PLXNA4: variants seen among roughly 807,000 people sequenced by gnomAD.
PLXNA4 encodes plexin-A4.
Under a neutral mutation model 191.8 loss-of-function variants are expected in PLXNA4, and 44 were observed. That is an observed-to-expected ratio of 0.23 (90% CI 0.18 to 0.29). The LOEUF is 0.29. Among genes scored for constraint, PLXNA4 ranks in the 10% least tolerant of loss-of-function variants. The pLI, the probability that PLXNA4 is intolerant of heterozygous loss-of-function variation, is 1.00. For synonymous variants in PLXNA4, 1,082 were observed against 1,009.5 expected, an observed-to-expected ratio of 1.07 and a Z score of -1.36; for missense variants, 1,800 against 2,488.8, an observed-to-expected ratio of 0.72 and a Z score of 5.89.
At chr7:132,400,662 G>A (rs1046027972) in intron 3 of PLXNA4, among the ~76,000 whole-genome samples, 6 of 152,254 alleles carry the variant, frequency 3.9e-5, no homozygotes, top group East Asian at 1.9e-4. Context: ...GGTACCATCC[G>A]TATGCATACC....
chr7:132,553,876 A>G (rs967459206), intron 1 of PLXNA4, among the ~76,000 whole-genome samples: 7 of 151,952 alleles, frequency 4.6e-5, no homozygotes, highest in African/African-American at 1.7e-4. Flanking sequence ...GAAAAGGGCA[A>G]CTCTTCCTGA....
intron 4 of PLXNA4, among the ~76,000 whole-genome samples, chr7:132,252,287 A>G (rs1799276242): frequency 6.7e-6 from 1 of 149,912 alleles, no homozygotes. Flanking sequence ...TTAAAATGAC[A>G]GCATTCTAAA....
intron 1 of PLXNA4, among the ~76,000 whole-genome samples, chr7:132,542,986 T>C (rs1461372707): frequency 6.6e-6 from 1 of 152,220 alleles, no homozygotes; most frequent in African/African-American, 2.4e-5. Flanking sequence ...AGGAAACCTG[T>C]GAGTCTATTA....
chr7:132,440,908 A>G (rs562094854), intron 3 of PLXNA4, among the ~76,000 whole-genome samples: 1 of 152,248 alleles, frequency 6.6e-6, no homozygotes. Flanking sequence ...ACAGGACAAC[A>G]TCCGCTTCTA....
intron 14 of PLXNA4, among the ~76,000 whole-genome samples, chr7:132,189,519 AT>A (rs1797021651): frequency 1.3e-5 from 2 of 152,258 alleles, no homozygotes; most frequent in Admixed American, 6.5e-5. Context: ...AAACCCACAA[AT>A]TGGAGTCTGG....
chr7:132,152,979 G>A (rs1218138592), intron 25 of PLXNA4, among the ~76,000 whole-genome samples: 1 of 152,252 alleles, frequency 6.6e-6, no homozygotes, highest in Non-Finnish European at 1.5e-5. Flanking sequence ...AGTGTGCTGG[G>A]CATGGCCAAC....
At chr7:132,421,077 GCTAAA>G (rs1171807520) in intron 3 of PLXNA4, among the ~76,000 whole-genome samples, 1 of 152,108 alleles carries the variant, frequency 6.6e-6, no homozygotes, top group Non-Finnish European at 1.5e-5. Context: ...CTCTGTCCCT[GCTAAA>G]CTCTATGATC....
chr7:132,577,025 C>G (rs1340034081), upstream of PLXNA4: 1 of 146,176 alleles, frequency 6.8e-6, no homozygotes, highest in East Asian at 2.0e-4. Flanking sequence ...CCACCCTTGC[C>G]GAGACACTCG....
chr7:132,568,743 C>G (rs777052835), intron 1 of PLXNA4, among the ~76,000 whole-genome samples: 82 of 152,364 alleles, frequency 5.4e-4, no homozygotes, highest in Middle Eastern at 3.4e-3. Flanking sequence ...GGAGCCGCAA[C>G]TCTCAGGCAG....
chr7:132,364,482 T>TGCAGC (rs1207785115), intron 3 of PLXNA4, among the ~76,000 whole-genome samples: 1 of 152,172 alleles, frequency 6.6e-6, no homozygotes, highest in Non-Finnish European at 1.5e-5. Context: ...GCTGCCTGGA[T>TGCAGC]GCAGCCCAGC....
chr7:132,302,497 G>A (rs11768593), intron 3 of PLXNA4, among the ~76,000 whole-genome samples: 5,734 of 151,936 alleles, frequency 0.038, 167 homozygotes, highest in Middle Eastern at 0.058. Context: ...AGTTATAATC[G>A]AGGTAAGAGT....
intron 2 of PLXNA4, among the ~76,000 whole-genome samples, chr7:132,607,581 G>A (rs913974791): frequency 2.6e-5 from 4 of 152,216 alleles, no homozygotes; most frequent in Non-Finnish European, 5.9e-5. Flanking sequence ...GGCCCCTTAT[G>A]AGGGGCTATG....
chr7:132,430,147 A>G (rs1040632730), intron 3 of PLXNA4, among the ~76,000 whole-genome samples: 1 of 152,182 alleles, frequency 6.6e-6, no homozygotes, highest in Non-Finnish European at 1.5e-5. Context: ...CCGTTTAGCA[A>G]CAGGGAGTAC....
chr7:132,648,294 T>G (rs1288488918), intron 1 of PLXNA4, among the ~76,000 whole-genome samples: 1 of 152,242 alleles, frequency 6.6e-6, no homozygotes, highest in Non-Finnish European at 1.5e-5. Context: ...TCCTGATTAC[T>G]GAGACTAGTG....
chr7:132,318,619 A>C (rs1802039670), intron 3 of PLXNA4, among the ~76,000 whole-genome samples: 1 of 146,514 alleles, frequency 6.8e-6, no homozygotes, highest in Non-Finnish European at 1.5e-5. Context: ...AGGAGGGAAG[A>C]GGAAGTCTTT....
chr7:132,189,110 GAC>G (rs1355712869), intron 14 of PLXNA4, among the ~76,000 whole-genome samples: 2 of 151,002 alleles, frequency 1.3e-5, no homozygotes, highest in Non-Finnish European at 3.0e-5. Flanking sequence ...GTCCTAAAGA[GAC>G]AGAGTTGAAC....
At position 132,390,464 on chromosome 7, in the gene PLXNA4, T is replaced by C. The variant is rs576466439; in HGVS notation, c.1372-92242A>G. On this transcript the variant is annotated intron_variant, in intron 3 of 31. Coordinates refer to ENST00000321063, the MANE Select transcript of PLXNA4 (RefSeq NM_020911.2). ...GATAGCGTTAGGGGAAAACCTAATG[T>C]AGATGACCGGTTGATGAGTGCAGCA... Among the ~76,000 whole-genome samples, 5 of 152,162 alleles carry C rather than the reference T, an allele frequency of 3.3e-5. No individual in the cohort carries two copies. The East Asian group carries it at 9.7e-4, about 29-fold the overall frequency.
At chr7:132,266,209 T>C (rs1799853245) in intron 4 of PLXNA4, 1 of 152,130 alleles carries the variant, frequency 6.6e-6, no homozygotes, top group Non-Finnish European at 1.5e-5. Flanking sequence ...AGGAGCTGAA[T>C]TTTAAAAATC....
chr7:132,289,540 T>C (rs1800806912), intron 4 of PLXNA4, among the ~76,000 whole-genome samples: 1 of 149,802 alleles, frequency 6.7e-6, no homozygotes. Context: ...TTTTTATTTA[T>C]TTTTTTTTTA....
Sources: allele counts gnomAD v4.1 joint callset (sites outside exome capture counted in the v4.1 genomes callset), GRCh38; gene constraint gnomAD v4.1.1; transcripts MANE v1.5; gene names NCBI Gene and HGNC (gene_info 2026-07-23, HGNC 2026-07-21).